The following LSM1 variants were observed in gnomAD, a reference collection of about 807,000 sequenced individuals.
The protein encoded by LSM1 is U6 snRNA-associated Sm-like protein LSm1.
In LSM1, 13 loss-of-function variants were observed where a neutral mutation model predicts 18.0. The ratio of observed to expected loss-of-function variants is 0.72; its 90% confidence interval spans 0.47 to 1.15. LSM1 has a LOEUF of 1.15. Ranked by LOEUF, LSM1 falls within the 50% of genes most tolerant of loss-of-function variation. LSM1 has a pLI of 0.00. For synonymous variants in LSM1, 46 were observed against 56.0 expected (o/e 0.82, Z 0.80); for missense variants, 152 against 157.7 (o/e 0.96, Z 0.19).
At position 38,172,225 on chromosome 8, in the gene LSM1, G is replaced by A. The variant is rs527649234; in HGVS notation, c.47-192C>T. The stretch of plus-strand genomic sequence containing the variant: ...ATAACATCAGTAGTGAAAAGAATCA[G>A]AGCAGTGTGGCAGAGTGGGAAAAGG... On this transcript the variant is annotated intron_variant, in intron 1 of 3. Transcript: ENST00000311351. 5.9e-5 allele frequency among the ~76,000 whole-genome samples: 9 copies of A among 151,650 alleles called. No individual in the cohort carries two copies. In the South Asian group the frequency reaches 1.9e-3, roughly 32 times the overall value.
chr8:38,170,368 A>T, intron 2 of LSM1, among the ~76,000 whole-genome samples: 1 of 152,334 alleles, frequency 6.6e-6, no homozygotes, highest in Non-Finnish European at 1.5e-5. Context: ...GAAGGCTAAA[A>T]TTTCAAATAA....
At chr8:38,170,568 G>A (rs774824047) in intron 2 of LSM1, among the ~76,000 whole-genome samples, 79 of 152,266 alleles carry the variant, frequency 5.2e-4, no homozygotes, top group Non-Finnish European at 9.6e-4. Context: ...AACAACCACA[G>A]AGATCAAAAC....
At chr8:38,165,230 G>A (rs1802909393) in intron 3 of LSM1, among the ~76,000 whole-genome samples, 1 of 152,082 alleles carries the variant, frequency 6.6e-6, no homozygotes, top group African/African-American at 2.4e-5. Flanking sequence ...GCAGGTGCCT[G>A]TAATCCCAGC....
At chr8:38,169,511 A>C (rs1437678893) in intron 3 of LSM1, among the ~76,000 whole-genome samples, 1 of 152,208 alleles carries the variant, frequency 6.6e-6, no homozygotes, top group Non-Finnish European at 1.5e-5. Context: ...ACTTGTAACC[A>C]ATTGTTTAAA....
rs1802994260 is a variant in LSM1, at chr8:38,169,830, CCT to C, written c.201_202del (p.Gly68ArgfsTer16). The C allele has an allele frequency of 5.6e-6, 9 of 1,613,264 alleles. No homozygotes were observed. Among genetic ancestry groups the C allele is most frequent in the Non-Finnish European group, 7.6e-6 (9 of 1,179,288 alleles). On this transcript the variant is annotated frameshift_variant, in exon 3 of 4. Coordinates refer to ENST00000311351, the MANE Select transcript of LSM1 (RefSeq NM_014462.3). LOFTEE classifies it high-confidence loss of function. Reference sequence around the variant, plus strand: ...TTCTCCTAGTAGGACCACATTTTCTCCTCTGACCACAAAAATCCCTCGAGGAA... The same window carrying C: ...TTCTCCTAGTAGGACCACATTTTCTCCTGACCACAAAAATCCCTCGAGGAA...
At chr8:38,167,752 C>G (rs1802959785) in intron 3 of LSM1, among the ~76,000 whole-genome samples, 2 of 152,040 alleles carry the variant, frequency 1.3e-5, no homozygotes, top group African/African-American at 4.8e-5. Flanking sequence ...GGTCAGCTCC[C>G]CTATATACTG....
intron 3 of LSM1, among the ~76,000 whole-genome samples, chr8:38,169,363 G>A (rs148660021): frequency 4.9e-4 from 74 of 152,102 alleles, no homozygotes; most frequent in African/African-American, 1.7e-3. Flanking sequence ...CTCCATTCTC[G>A]GGATAGGTAA....
At chr8:38,174,735 T>A (rs1056788826) in intron 1 of LSM1, among the ~76,000 whole-genome samples, 9 of 152,060 alleles carry the variant, frequency 5.9e-5, no homozygotes, top group African/African-American at 2.4e-5. Context: ...AAAAAAATGA[T>A]CTGTCGGCCG....
chr8:38,175,256 C>G (rs890667271), intron 1 of LSM1, among the ~76,000 whole-genome samples: 1 of 151,648 alleles, frequency 6.6e-6, no homozygotes. Flanking sequence ...ATTGTAGGAA[C>G]GGGGTTTCAC....
At chr8:38,167,197 C>A (rs372247920) in intron 3 of LSM1, among the ~76,000 whole-genome samples, 1 of 152,126 alleles carries the variant, frequency 6.6e-6, no homozygotes, top group East Asian at 1.9e-4. Context: ...CAAAAGGGAT[C>A]CAAGGAAACA....
rs1802997230 is a variant in LSM1 at position 38,169,977 on chromosome 8, T to C, written c.116-60A>G. On this transcript the variant is annotated intron_variant, in intron 2 of 3. Transcript: ENST00000311351. ...GTTTAAACTACTGGGTAAAGGCCCA[T>C]AACTCAATAATCAGTTATTTTGAAA... 4.1e-6 allele frequency: 3 copies of C among 738,994 alleles called. No individual in the cohort carries two copies. In the African/African-American group the frequency reaches 5.4e-5, roughly 13 times the overall value. 45.8% of individuals were successfully genotyped at this position (738,994 alleles called of 1,614,324 possible). A position where few individuals can be genotyped will look rare whatever the true frequency, so the allele number is the denominator to read the frequency against.
Position 38,171,980 on chromosome 8 carries a change from T to C in LSM1, c.100A>G (p.Ser34Gly). The C allele has an allele frequency of 1.9e-6, 3 of 1,611,378 alleles. No individual in the cohort carries two copies. The South Asian group carries it at 3.3e-5, about 18-fold the overall frequency. The change falls in exon 2 of 4, where the codon AGC becomes GGC. Residue 34 changes from serine (S) to glycine (G), a missense_variant. By Grantham distance (56) the Ser-to-Gly change is moderately conservative. Coordinates refer to ENST00000311351, the MANE Select transcript of LSM1 (RefSeq NM_014462.3). ...TAATACATACCAAATTGATCAATGC[T>C]TCTTAAAAAGCCTATAAGTGTCCTT... ...DGRTLIGFLR[S>G]IDQFANLVLH... is the part of the protein sequence containing the mutation.
intron 3 of LSM1, among the ~76,000 whole-genome samples, chr8:38,166,763 G>A (rs1192110682): frequency 6.6e-6 from 1 of 152,144 alleles, no homozygotes; most frequent in East Asian, 1.9e-4. Flanking sequence ...CCTGCTCTAG[G>A]TCCAAAGTTA....
intron 1 of LSM1, among the ~76,000 whole-genome samples, chr8:38,172,529 C>G (rs1194163765): frequency 6.6e-6 from 1 of 152,102 alleles, no homozygotes; most frequent in African/African-American, 2.4e-5. Context: ...ACCATGTTAG[C>G]TAGGCTGGTC....
chr8:38,170,819 T>C (rs1803014669), intron 2 of LSM1: 2 of 228,804 alleles, frequency 8.7e-6, no homozygotes, highest in South Asian at 9.9e-5. Context: ...GACTTAAGAA[T>C]CAGGACTCCA....
chr8:38,167,156 A>G (rs1008432507), intron 3 of LSM1, among the ~76,000 whole-genome samples: 4 of 152,170 alleles, frequency 2.6e-5, no homozygotes, highest in Non-Finnish European at 4.4e-5. Flanking sequence ...AAACCATAAC[A>G]TATTTTTTTA....
chr8:38,174,354 C>G (rs1803080965), intron 1 of LSM1, among the ~76,000 whole-genome samples: 1 of 151,896 alleles, frequency 6.6e-6, no homozygotes, highest in Admixed American at 6.6e-5. Context: ...ACAGTAACAA[C>G]AGACAGACAA....
At chr8:38,165,743 T>C (rs1330303090) in intron 3 of LSM1, among the ~76,000 whole-genome samples, 1 of 150,432 alleles carries the variant, frequency 6.6e-6, no homozygotes, top group Non-Finnish European at 1.5e-5. Context: ...TAGCTGGGCG[T>C]GGTAACGTGT....
chr8:38,168,732 T>A (rs960776349), intron 3 of LSM1, among the ~76,000 whole-genome samples: 6 of 151,780 alleles, frequency 4.0e-5, no homozygotes, highest in African/African-American at 1.5e-4. Flanking sequence ...AAATATTTTA[T>A]AAGTAAGAAA....
Sources: allele counts gnomAD v4.1 joint callset (sites outside exome capture counted in the v4.1 genomes callset), GRCh38; gene constraint gnomAD v4.1.1; transcripts MANE v1.5; gene names NCBI Gene and HGNC (gene_info 2026-07-23, HGNC 2026-07-21).